WDR27: variants seen among roughly 807,000 people sequenced by gnomAD.
WDR27 encodes the protein WD repeat-containing protein 27.
In WDR27, 100 loss-of-function variants were observed where a neutral mutation model predicts 114.4. The ratio of observed to expected loss-of-function variants is 0.87; its 90% CI spans 0.74 to 1.03. The LOEUF is 1.03. WDR27 is among the 50% of genes least tolerant of loss of function. WDR27 has a pLI of 0.00. For synonymous variants in WDR27, 449 were observed against 423.1 expected (o/e 1.06, Z -0.75); for missense variants, 1,129 against 1,092.9 (o/e 1.03, Z -0.47).
intron 25 of WDR27, among the ~76,000 whole-genome samples, chr6:169,481,558 C>T (rs1213685696): frequency 6.6e-6 from 1 of 152,222 alleles, no homozygotes; most frequent in South Asian, 2.1e-4. Context: ...GCACTCACCG[C>T]AAAAGTCTGC....
At chr6:169,461,948 T>C (rs1347717052) in intron 25 of WDR27, among the ~76,000 whole-genome samples, 1 of 151,984 alleles carries the variant, frequency 6.6e-6, no homozygotes, top group Admixed American at 6.6e-5. Flanking sequence ...GAAATGAAAG[T>C]TATGGACATT....
At position 169,620,063 on chromosome 6, in the gene WDR27, C is replaced by T. The variant is rs1812743254; in HGVS notation, c.2224-6407G>A. ...TCATGATACATAAGGTTAAATAAAA[C>T]CCATCTGACGAGAATTGATGGTTTT... On this transcript the variant is annotated intron_variant, in intron 21 of 25. Transcript: ENST00000448612. Among the ~76,000 whole-genome samples, 3 of 152,138 alleles carry T rather than the reference C, an allele frequency of 2.0e-5. No homozygotes were observed. In the South Asian group the frequency reaches 6.2e-4, roughly 32 times the overall value.
rs553591381 is a variant in WDR27 at position 169,571,694 on chromosome 6, G to A, written c.2645+725C>T. Among the ~76,000 whole-genome samples, 265 of 152,220 alleles carry A rather than the reference G, an allele frequency of 1.7e-3. 3 individuals carry two copies. Among genetic ancestry groups the A allele is most frequent in the African/African-American group, 5.9e-3 (243 of 41,528 alleles). The stretch of plus-strand genomic sequence containing the variant: ...ACAATAAATAAATAAATAATTAGTC[G>A]GGGGTGGTGGCTTGAGACTGCCAGT... On this transcript the variant is annotated intron_variant, in intron 25 of 25. Transcript: ENST00000448612.
intron 22 of WDR27, among the ~76,000 whole-genome samples, chr6:169,608,001 G>A (rs188316408): frequency 6.6e-6 from 1 of 152,282 alleles, no homozygotes; most frequent in East Asian, 1.9e-4. Context: ...AAGCTGTGTG[G>A]TGTAGCCTAT....
At chr6:169,496,969 CTG>C (rs1790488646) in intron 25 of WDR27, among the ~76,000 whole-genome samples, 1 of 152,058 alleles carries the variant, frequency 6.6e-6, no homozygotes, top group Non-Finnish European at 1.5e-5. Flanking sequence ...TCTCAAGAGA[CTG>C]TGAATAGCCA....
intron 21 of WDR27, among the ~76,000 whole-genome samples, chr6:169,619,919 CA>C (rs932438453): frequency 6.6e-6 from 1 of 152,176 alleles, no homozygotes; most frequent in Admixed American, 6.5e-5. Flanking sequence ...TTTTCCCACA[CA>C]AAGGACAGCT....
In WDR27 at chr6:169,582,904, A is replaced by AC; in HGVS notation, c.2454dup (p.Phe819ValfsTer60). 6.2e-7 allele frequency: 1 copy of AC among 1,613,928 alleles called. No homozygotes were observed. Among genetic ancestry groups the AC allele is most frequent in the Non-Finnish European group, 8.5e-7 (1 of 1,179,876 alleles). The stretch of plus-strand genomic sequence containing the variant: ...GTGTGCCCAGCCAGCCGGTGAGAAA[A>AC]CGTGCTTGAGCCCATTTCATACACG... On this transcript the variant is annotated frameshift_variant, in exon 24 of 26. Transcript: ENST00000448612. LOFTEE classifies it high-confidence loss of function.
At chr6:169,507,866 C>G (rs1231887000) in intron 25 of WDR27, among the ~76,000 whole-genome samples, 1 of 152,016 alleles carries the variant, frequency 6.6e-6, no homozygotes, top group Non-Finnish European at 1.5e-5. Context: ...ATGTGGCACT[C>G]TCACAGCTTC....
chr6:169,496,248 C>T (rs535064109), intron 25 of WDR27, among the ~76,000 whole-genome samples: 25 of 152,104 alleles, frequency 1.6e-4, no homozygotes, highest in Middle Eastern at 3.4e-3. Context: ...AAATTCAACA[C>T]GCTTTTATGA....
At chr6:169,482,140 A>G (rs372328771) in intron 25 of WDR27, among the ~76,000 whole-genome samples, 7 of 152,116 alleles carry the variant, frequency 4.6e-5, no homozygotes, top group East Asian at 1.9e-4. Context: ...ATCTTTTTTT[A>G]TGGTTACATA....
chr6:169,656,320 A>G (rs559778628), intron 13 of WDR27, among the ~76,000 whole-genome samples: 23 of 152,256 alleles, frequency 1.5e-4, no homozygotes, highest in Non-Finnish European at 2.9e-4. Flanking sequence ...GAGGTTCTCA[A>G]TCCCGTCTGT....
At chr6:169,615,431 T>C in intron 21 of WDR27, among the ~76,000 whole-genome samples, 1 of 152,136 alleles carries the variant, frequency 6.6e-6, no homozygotes, top group Non-Finnish European at 1.5e-5. Flanking sequence ...TTTGTGTTCA[T>C]GAGTTCTCAT....
chr6:169,509,897 T>C (rs1186152264), intron 25 of WDR27, among the ~76,000 whole-genome samples: 1 of 152,208 alleles, frequency 6.6e-6, no homozygotes, highest in Non-Finnish European at 1.5e-5. Context: ...AAAGAGCTTA[T>C]ATCCAGAATC....
intron 9 of WDR27, 102 bp from the exon 10 acceptor site, chr6:169,660,868 G>C (rs1396295058): frequency 1.0e-6 from 1 of 962,342 alleles, no homozygotes; most frequent in African/African-American, 1.8e-5. Context: ...CCGCAGGAGT[G>C]GGGAGTGTGG....
At chr6:169,654,547 G>A (rs1208598780) in intron 13 of WDR27, among the ~76,000 whole-genome samples, 3 of 152,196 alleles carry the variant, frequency 2.0e-5, no homozygotes, top group Admixed American at 6.5e-5. Flanking sequence ...GTTGCCAGAC[G>A]GCTCAGGAGG....
At chr6:169,602,392 C>A (rs1302889964) in intron 22 of WDR27, 71 bp from the exon 23 acceptor site, 8 of 959,884 alleles carry the variant, frequency 8.3e-6, no homozygotes, top group Non-Finnish European at 1.3e-5. Flanking sequence ...GGAAAGAAAA[C>A]AACTTGTTGC....
chr6:169,594,630 G>A (rs1002267471), intron 23 of WDR27, among the ~76,000 whole-genome samples: 1 of 152,042 alleles, frequency 6.6e-6, no homozygotes, highest in African/African-American at 2.4e-5. Context: ...TATTTTCATT[G>A]TGAATTTTAG....
chr6:169,521,740 C>T (rs1309072435), intron 25 of WDR27, among the ~76,000 whole-genome samples: 2 of 151,702 alleles, frequency 1.3e-5, no homozygotes, highest in Admixed American at 6.6e-5. Flanking sequence ...TTTAAAATAA[C>T]TTATTATATC....
intron 25 of WDR27, among the ~76,000 whole-genome samples, chr6:169,471,185 T>G (rs767401243): frequency 1.3e-5 from 2 of 151,092 alleles, no homozygotes; most frequent in Non-Finnish European, 3.0e-5. Context: ...TGGCAAAACC[T>G]GCAATTACTT....
Sources: allele counts gnomAD v4.1 joint callset (sites outside exome capture counted in the v4.1 genomes callset), GRCh38; gene constraint gnomAD v4.1.1; transcripts MANE v1.5; gene names NCBI Gene and HGNC (gene_info 2026-07-23, HGNC 2026-07-21).